The following SV2C variants were observed in gnomAD, a reference collection of about 807,000 sequenced individuals.
SV2C encodes the protein synaptic vesicle glycoprotein 2C, also known as solute carrier family 22 member B3.
Under a neutral mutation model 79.7 loss-of-function variants are expected in SV2C, and 49 were observed. That is an observed-to-expected ratio of 0.61 (90% CI 0.49 to 0.78). The LOEUF is 0.78. Among genes scored for constraint, SV2C ranks in the 30% least tolerant of loss-of-function variants. SV2C has a pLI of 0.00. For missense variants in SV2C, 833 were observed against 912.9 expected (o/e 0.91, Z 1.13); for synonymous variants, 334 against 333.2 (o/e 1.00, Z -0.03).
chr5:75,916,256 T>C, the SV2C span, among the ~76,000 whole-genome samples: 67,924 of 141,204 alleles, frequency 0.48, 16,138 homozygotes, highest in East Asian at 0.62. Flanking sequence ...CCTTGTCCTC[T>C]TTCTCCTCTT....
chr5:76,185,651 G>A (rs1194614745), intron 2 of SV2C, among the ~76,000 whole-genome samples: 1 of 152,270 alleles, frequency 6.6e-6, no homozygotes, highest in Non-Finnish European at 1.5e-5. Flanking sequence ...CATAGCTGGA[G>A]CTGAAGCAGC....
At chr5:76,228,721 G>A (rs1172032071) in intron 4 of SV2C, among the ~76,000 whole-genome samples, 1 of 152,124 alleles carries the variant, frequency 6.6e-6, no homozygotes, top group East Asian at 1.9e-4. Context: ...CATTTATTAT[G>A]TATCATACTT....
chr5:75,928,780 C>A, the SV2C span, among the ~76,000 whole-genome samples: 1 of 152,024 alleles, frequency 6.6e-6, no homozygotes, highest in African/African-American at 2.4e-5. Context: ...AATTCTGTTC[C>A]CAGTCTCCTC....
At chr5:75,952,655 T>C in the SV2C span, among the ~76,000 whole-genome samples, 1 of 151,802 alleles carries the variant, frequency 6.6e-6, no homozygotes, top group Admixed American at 6.6e-5. Flanking sequence ...TTCCTCCTCC[T>C]CTTGCCATGT....
the SV2C span, among the ~76,000 whole-genome samples, chr5:75,872,055 T>TCA: frequency 3.4e-5 from 5 of 146,902 alleles, no homozygotes; most frequent in African/African-American, 1.2e-4. Flanking sequence ...TCATATATAT[T>TCA]TATATATACA....
At chr5:76,319,560 C>T (rs953849704) in intron 12 of SV2C, among the ~76,000 whole-genome samples, 12 of 152,312 alleles carry the variant, frequency 7.9e-5, no homozygotes, top group Admixed American at 7.2e-4. Flanking sequence ...TTTGCATCCA[C>T]ACCAGATTTT....
At chr5:75,972,784 C>A in the SV2C span, among the ~76,000 whole-genome samples, 17 of 152,168 alleles carry the variant, frequency 1.1e-4, no homozygotes, top group East Asian at 3.1e-3. Context: ...CCTCAGGGAT[C>A]TAGAACTAGA....
At chr5:76,173,093 A>G (rs910306120) in intron 2 of SV2C, among the ~76,000 whole-genome samples, 10 of 147,582 alleles carry the variant, frequency 6.8e-5, no homozygotes, top group African/African-American at 1.7e-4. Context: ...TAAAAAAACT[A>G]TATAGCTGTG....
the SV2C span, among the ~76,000 whole-genome samples, chr5:75,856,739 G>A: frequency 9.2e-5 from 14 of 152,110 alleles, no homozygotes; most frequent in Admixed American, 9.2e-4. Flanking sequence ...CTCCCATTCT[G>A]TGGGTTGTCT....
chr5:75,902,056 C>T, the SV2C span, among the ~76,000 whole-genome samples: 1 of 152,166 alleles, frequency 6.6e-6, no homozygotes, highest in Non-Finnish European at 1.5e-5. Context: ...GAGGCAATGC[C>T]TCACCCTGCT....
the SV2C span, among the ~76,000 whole-genome samples, chr5:76,054,690 C>A: frequency 6.6e-6 from 1 of 152,206 alleles, no homozygotes; most frequent in Admixed American, 6.5e-5. Context: ...GACATTCTGA[C>A]TGGCATGAGG....
At chr5:75,853,856 ACT>A in the SV2C span, among the ~76,000 whole-genome samples, 1 of 151,230 alleles carries the variant, frequency 6.6e-6, no homozygotes, top group Admixed American at 6.6e-5. Context: ...TTTTTTTTAA[ACT>A]CTACTTTATT....
intron 1 of SV2C, among the ~76,000 whole-genome samples, chr5:76,105,539 A>G (rs1486709460): frequency 6.6e-6 from 1 of 152,140 alleles, no homozygotes; most frequent in Non-Finnish European, 1.5e-5. Context: ...CTCTAAGTTT[A>G]TTTAATAATT....
At chr5:76,306,613 G>A (rs1748202321) in intron 12 of SV2C, among the ~76,000 whole-genome samples, 1 of 152,134 alleles carries the variant, frequency 6.6e-6, no homozygotes, top group Non-Finnish European at 1.5e-5. Flanking sequence ...AACCATCAGG[G>A]AGAAGGTTAA....
chr5:76,109,225 A>C (rs543107187), intron 1 of SV2C, among the ~76,000 whole-genome samples: 1 of 152,290 alleles, frequency 6.6e-6, no homozygotes, highest in Admixed American at 6.5e-5. Flanking sequence ...TGTGCTCATA[A>C]ATATTCTATC....
intron 1 of SV2C, among the ~76,000 whole-genome samples, chr5:76,122,541 TCCC>T (rs1221402804): frequency 6.6e-6 from 1 of 152,172 alleles, no homozygotes; most frequent in African/African-American, 2.4e-5. Flanking sequence ...TTGAGATACA[TCCC>T]ATCAATACCT....
At chr5:76,027,178 CAGCATTCTG>C in the SV2C span, among the ~76,000 whole-genome samples, 1 of 150,496 alleles carries the variant, frequency 6.6e-6, no homozygotes, top group Non-Finnish European at 1.5e-5. Flanking sequence ...TCTCCTGCCT[CAGCATTCTG>C]AGTAGCTGGG....
the SV2C span, among the ~76,000 whole-genome samples, chr5:75,906,688 C>T: frequency 6.6e-6 from 1 of 152,286 alleles, no homozygotes; most frequent in Middle Eastern, 3.4e-3. Flanking sequence ...TTCAACTTCT[C>T]TTGTTGCAGA....
chr5:75,984,557 C>A, the SV2C span, among the ~76,000 whole-genome samples: 3 of 93,046 alleles, frequency 3.2e-5, no homozygotes, highest in South Asian at 8.9e-4. Context: ...ATCTATCTAT[C>A]TATCTATCTA....
Sources: gnomAD v4.1 joint callset for allele counts (sites outside exome capture counted in the v4.1 genomes callset) on GRCh38, gnomAD v4.1.1 for gene constraint, MANE v1.5 for transcripts, NCBI Gene and HGNC (gene_info 2026-07-23, HGNC 2026-07-21) for gene names.